The following CCDC125 variants were observed in gnomAD, a reference collection of about 807,000 sequenced individuals.
The protein encoded by CCDC125 is coiled-coil domain-containing protein 125.
CCDC125 carries 43 observed loss-of-function variants against 57.4 expected under a neutral mutation model. That is an observed-to-expected ratio of 0.75 (90% CI 0.59 to 0.97). The LOEUF (loss-of-function observed/expected upper bound fraction) is 0.97. Among genes scored for constraint, CCDC125 ranks in the 50% least tolerant of loss-of-function variants. CCDC125 has a pLI of 0.00. For synonymous variants in CCDC125, 187 were observed against 195.2 expected, an observed-to-expected ratio of 0.96 and a Z score of 0.35; for missense variants, 563 against 595.7, an observed-to-expected ratio of 0.95 and a Z score of 0.57.
At position 69,294,875 on chromosome 5, in the gene CCDC125, C is replaced by G. The variant is rs1338768104; in HGVS notation, c.842G>C (p.Cys281Ser). 1.9e-6 allele frequency: 3 copies of G among 1,613,978 alleles called. No homozygotes were observed. The Admixed American group carries it at 5.0e-5, about 27-fold the overall frequency. The change falls in exon 9 of 12, where the codon TGT (cysteine) becomes TCT (serine). Residue 281 changes from cysteine (C) to serine (S), a missense_variant. Coordinates refer to ENST00000396496, the MANE Select transcript of CCDC125 (RefSeq NM_176816.5). ...ACAGGGGTTCCCTCCGGGCCCATGA[C>G]AAAGGCAGGCTCCGAGGACCGCAAG... ...LELAVLGACL[C>S]HGPGGNPCSC...
chr5:69,305,456 A>G (rs1049529423), intron 6 of CCDC125, among the ~76,000 whole-genome samples: 1 of 152,026 alleles, frequency 6.6e-6, no homozygotes, highest in African/African-American at 2.4e-5. Flanking sequence ...CAAGTGATCC[A>G]CCTGCCTCAG....
downstream of CCDC125, chr5:69,276,526 A>ATCTTTTCTTTTTTTTT (rs1168413066): frequency 1.9e-6 from 3 of 1,610,980 alleles, no homozygotes; most frequent in Middle Eastern, 2.2e-4. Flanking sequence ...TACTTTTGGT[A>ATCTTTTCTTTTTTTTT]TCTTTTCTTT....
In CCDC125 at chr5:69,314,104, T is replaced by C. The variant is rs1002804938; in HGVS notation, c.305-58A>G. 7.8e-6 allele frequency: 9 copies of C among 1,151,838 alleles called. No individual in the cohort carries two copies. The African/African-American group carries it at 1.1e-4, about 14-fold the overall frequency. The allele number at this position is 1,151,838 out of a possible 1,614,324, so 71.4% of individuals were successfully genotyped here. On this transcript the variant is annotated intron_variant, in intron 2 of 11. Coordinates refer to ENST00000396496, the MANE Select transcript of CCDC125 (RefSeq NM_176816.5). ...GAAAAATTTTGAATATTTTAACTAATTAAACATAGGACATTTGTTTACAAA... is the reference window on the plus strand; with the variant it reads ...GAAAAATTTTGAATATTTTAACTAACTAAACATAGGACATTTGTTTACAAA...
chr5:69,279,712 GAAGCAGCC>G (rs1300896901), downstream of CCDC125, among the ~76,000 whole-genome samples: 4 of 152,072 alleles, frequency 2.6e-5, no homozygotes. Flanking sequence ...TGCCAAGGGA[GAAGCAGCC>G]AAGCAGCTAA....
chr5:69,321,182 C>T (rs1233514662), intron 1 of CCDC125, among the ~76,000 whole-genome samples: 2 of 152,082 alleles, frequency 1.3e-5, no homozygotes, highest in East Asian at 3.9e-4. Context: ...TTCAAATATT[C>T]TCACCACAAA....
chr5:69,292,271 T>C lies in CCDC125; in HGVS notation c.1016A>G (p.Asp339Gly), dbSNP rs1180354130. The change falls in exon 10 of 12, where the codon GAC becomes GGC. Residue 339 changes from aspartate (D) to glycine (G), a missense_variant. By Grantham distance (94) the Asp-to-Gly change is moderately conservative. Coordinates refer to ENST00000396496, the MANE Select transcript of CCDC125 (RefSeq NM_176816.5). The part of the protein sequence containing the change: ...AFEQQLMRKN[D>G]QALQLTQMDK... ...CATTTGTGTCAATTGTAGTGCCTGG[T>C]CATTTTTTCTCATTAATTGTTGCTC... 4.3e-6 allele frequency: 7 copies of C among 1,613,672 alleles called. No individual in the cohort carries two copies. Among genetic ancestry groups the C allele is most frequent in the Non-Finnish European group, 5.1e-6 (6 of 1,179,700 alleles).
At chr5:69,297,648 C>T (rs1361910825) in intron 8 of CCDC125, among the ~76,000 whole-genome samples, 1 of 151,226 alleles carries the variant, frequency 6.6e-6, no homozygotes, top group Non-Finnish European at 1.5e-5. Flanking sequence ...CGTTAGCCAC[C>T]GCACCTGGCC....
intron 2 of CCDC125, 25 bp downstream of exon 2, chr5:69,320,212 A>G (rs1215449327): frequency 6.3e-7 from 1 of 1,584,356 alleles, no homozygotes; most frequent in Non-Finnish European, 8.6e-7. Flanking sequence ...GGAGAAAGAA[A>G]GGAGAGGAAA....
rs1204568236 is a variant in CCDC125, at chr5:69,320,225, C to G, written c.304+12G>C. Reference sequence around the variant, plus strand: ...CAGGAGAAAGAAAGGAGAGGAAATTCAGCATTCTTACCAGTGCTACTTTGT... The same window carrying G: ...CAGGAGAAAGAAAGGAGAGGAAATTGAGCATTCTTACCAGTGCTACTTTGT... On this transcript the variant is annotated intron_variant, in intron 2 of 11. Coordinates refer to ENST00000396496, the MANE Select transcript of CCDC125 (RefSeq NM_176816.5). The G allele has an allele frequency of 3.7e-6, 6 of 1,602,460 alleles. No individual in the cohort carries two copies. The highest frequency in any genetic ancestry group is 5.1e-6 in the Non-Finnish European group (6 of 1,172,610).
intron 7 of CCDC125, among the ~76,000 whole-genome samples, chr5:69,300,764 T>G (rs920511969): frequency 2.0e-5 from 3 of 152,038 alleles, no homozygotes; most frequent in Non-Finnish European, 4.4e-5. Flanking sequence ...TGTGTGCAGA[T>G]CTCAGCTGGA....
At chr5:69,294,237 T>C (rs964447051) in intron 9 of CCDC125, 10 of 540,194 alleles carry the variant, frequency 1.9e-5, no homozygotes, top group Admixed American at 6.4e-5. Flanking sequence ...TGAGAACATA[T>C]AAATTTTAGG....
At chr5:69,322,245 G>A (rs189425265) in intron 1 of CCDC125, among the ~76,000 whole-genome samples, 2 of 152,176 alleles carry the variant, frequency 1.3e-5, no homozygotes, top group Non-Finnish European at 2.9e-5. Flanking sequence ...TCAGCCTCTG[G>A]AGTAGCTCGG....
chr5:69,320,109 C>T (rs1759784916), intron 2 of CCDC125, 128 bp downstream of exon 2: 1 of 929,344 alleles, frequency 1.1e-6, no homozygotes, highest in South Asian at 1.7e-5. Context: ...GGTGACAGAG[C>T]AAGACTCCGT....
chr5:69,298,712 G>T (rs11748974), intron 8 of CCDC125, among the ~76,000 whole-genome samples: 55,226 of 152,094 alleles, frequency 0.36, 11,265 homozygotes, highest in East Asian at 0.5. Context: ...TGGAGGTAAG[G>T]CTGGCCCATA....
At position 69,280,598 on chromosome 5, in the gene CCDC125, CT is replaced by C. The variant is rs1752416676; in HGVS notation, c.*2130del. 6.6e-6 allele frequency: 1 copy of C among 152,166 alleles called. No homozygotes were observed. Among genetic ancestry groups the C allele is most frequent in the Admixed American group, 6.5e-5 (1 of 15,270 alleles). 9.4% of individuals were successfully genotyped at this position (152,166 alleles called of 1,614,324 possible). ...TCTGCACCTAACTTTCAAAATACTCCTTTTCTTTTGCAATAAATTATGCTGC... is the reference window on the plus strand; with the variant it reads ...TCTGCACCTAACTTTCAAAATACTCCTTTCTTTTGCAATAAATTATGCTGC... On this transcript the variant is annotated 3_prime_UTR_variant, in exon 12 of 12. Transcript: ENST00000396496.
intron 10 of CCDC125, among the ~76,000 whole-genome samples, chr5:69,286,316 C>T (rs1472287578): frequency 2.7e-5 from 4 of 147,958 alleles, no homozygotes; most frequent in Non-Finnish European, 4.5e-5. Flanking sequence ...ACTGCAAGCT[C>T]CGCCTCCCGG....
chr5:69,315,249 C>T (rs1315793486), intron 2 of CCDC125, among the ~76,000 whole-genome samples: 12 of 132,638 alleles, frequency 9.0e-5, no homozygotes, highest in Non-Finnish European at 1.9e-4. Flanking sequence ...GAGCAAGGCT[C>T]TGTCTCGAAA....
intron 1 of CCDC125, among the ~76,000 whole-genome samples, chr5:69,324,790 A>G (rs897759080): frequency 6.6e-6 from 1 of 152,218 alleles, no homozygotes; most frequent in African/African-American, 2.4e-5. Flanking sequence ...AGGTGTGAGA[A>G]TCACTTGAGG....
At chr5:69,313,236 A>G (rs918025981) in intron 3 of CCDC125, 13 of 490,314 alleles carry the variant, frequency 2.7e-5, no homozygotes, top group African/African-American at 1.8e-4. Flanking sequence ...CTGTTTGGCA[A>G]CTGGGGTGAA....
Sources: gnomAD v4.1 joint callset for allele counts (sites outside exome capture counted in the v4.1 genomes callset) on GRCh38, gnomAD v4.1.1 for gene constraint, MANE v1.5 for transcripts, NCBI Gene and HGNC (gene_info 2026-07-23, HGNC 2026-07-21) for gene names.